Variants in KCNJ6 observed in about 807,000 individuals in gnomAD.
KCNJ6 encodes potassium inwardly rectifying channel subfamily J member 6.
Under a neutral mutation model 34.2 loss-of-function variants are expected in KCNJ6, and 9 were observed. The ratio of observed to expected loss-of-function variants is 0.26; its 90% CI spans 0.16 to 0.46. KCNJ6 has a LOEUF of 0.46. Ranked by LOEUF, KCNJ6 falls within the 20% of genes least tolerant of loss-of-function variation. The pLI is 1.00. For synonymous variants in KCNJ6, 196 were observed against 207.1 expected (o/e 0.95, Z 0.46); for missense variants, 236 against 531.3 (o/e 0.44, Z 5.46).
intron 3 of KCNJ6, among the ~76,000 whole-genome samples, chr21:37,661,940 T>C (rs1228386466): frequency 6.6e-6 from 1 of 152,090 alleles, no homozygotes; most frequent in East Asian, 1.9e-4. Flanking sequence ...AGAGACATAA[T>C]TCTAATAAAA....
intron 2 of KCNJ6, among the ~76,000 whole-genome samples, chr21:37,724,321 A>G (rs79296872): frequency 8.2e-6 from 1 of 122,642 alleles, no homozygotes; most frequent in Non-Finnish European, 1.6e-5. Context: ...GTTGCATATT[A>G]AAAAAAAAAA....
chr21:37,806,917 C>T (rs1272333107), intron 2 of KCNJ6, among the ~76,000 whole-genome samples: 1 of 152,082 alleles, frequency 6.6e-6, no homozygotes, highest in Non-Finnish European at 1.5e-5. Context: ...TCTGTAAAGG[C>T]ATATAACATT....
intron 1 of KCNJ6, among the ~76,000 whole-genome samples, chr21:37,879,690 AACTC>A (rs1721415863): frequency 1.3e-5 from 2 of 150,564 alleles, no homozygotes; most frequent in South Asian, 4.2e-4. Context: ...TATCAGGAAA[AACTC>A]AATGTCTGCC....
In KCNJ6 at chr21:37,616,755, A is replaced by G. The variant is rs1233139485; in HGVS notation, c.*8404T>C. On this transcript the variant is annotated 3_prime_UTR_variant, in exon 4 of 4. Coordinates refer to ENST00000609713, the MANE Select transcript of KCNJ6 (RefSeq NM_002240.5). The stretch of plus-strand genomic sequence containing the variant: ...TTAACCTTCCAACGGGGGTGCCAGG[A>G]AAAGTGAAGTTTTCGTGGTGAGATG... 3 of 151,236 alleles carry G rather than the reference A, an allele frequency of 2.0e-5. No individual in the cohort carries two copies. The highest frequency in any genetic ancestry group is 7.3e-5 in the African/African-American group (3 of 40,998). The allele number at this position is 151,236 out of a possible 1,614,324, so 9.4% of individuals were successfully genotyped here.
intron 2 of KCNJ6, among the ~76,000 whole-genome samples, chr21:37,742,894 CT>C (rs971972585): frequency 6.6e-6 from 1 of 152,202 alleles, no homozygotes; most frequent in African/African-American, 2.4e-5. Flanking sequence ...CTTCTCTGCA[CT>C]TGGGGGAACT....
chr21:37,722,123 C>CA (rs34419315), intron 2 of KCNJ6, among the ~76,000 whole-genome samples: 82,350 of 151,920 alleles, frequency 0.54, 22,819 homozygotes, highest in African/African-American at 0.65. Context: ...AATCAATGTA[C>CA]AAAAATCAGT....
intron 2 of KCNJ6, among the ~76,000 whole-genome samples, chr21:37,772,287 T>A (rs2055121247): frequency 6.6e-6 from 1 of 152,190 alleles, no homozygotes; most frequent in African/African-American, 2.4e-5. Context: ...GTTGCACATA[T>A]TATTATGTTT....
intron 2 of KCNJ6, among the ~76,000 whole-genome samples, chr21:37,807,197 G>A (rs1873451095): frequency 6.6e-6 from 1 of 152,204 alleles, no homozygotes; most frequent in African/African-American, 2.4e-5. Context: ...AACATTGAGT[G>A]TAGTTAGCTA....
chr21:37,706,328 C>A (rs928350614), intron 3 of KCNJ6, among the ~76,000 whole-genome samples: 2 of 152,200 alleles, frequency 1.3e-5, no homozygotes, highest in Admixed American at 1.3e-4. Flanking sequence ...ATGAGGCGAT[C>A]TGTGGTAAAC....
intron 2 of KCNJ6, among the ~76,000 whole-genome samples, chr21:37,722,419 TCACAGATTTATAAAAA>T (rs1303484493): frequency 6.6e-6 from 1 of 152,246 alleles, no homozygotes; most frequent in Non-Finnish European, 1.5e-5. Context: ...ATGTCATTTT[TCACAGATTTATAAAAA>T]CTGTTCTAAA....
At chr21:37,880,600 A>T (rs1257237938) in intron 1 of KCNJ6, among the ~76,000 whole-genome samples, 1 of 152,222 alleles carries the variant, frequency 6.6e-6, no homozygotes, top group Non-Finnish European at 1.5e-5. Flanking sequence ...TGCACAGTCA[A>T]GCAAGGGTTA....
chr21:37,826,741 C>T (rs1362217616), intron 2 of KCNJ6, among the ~76,000 whole-genome samples: 1 of 152,038 alleles, frequency 6.6e-6, no homozygotes, highest in Non-Finnish European at 1.5e-5. Context: ...GTAACATTTC[C>T]AAATCTGACA....
chr21:37,713,412 G>C (rs28557769), intron 3 of KCNJ6, among the ~76,000 whole-genome samples: 1 of 152,182 alleles, frequency 6.6e-6, no homozygotes, highest in Non-Finnish European at 1.5e-5. Flanking sequence ...TTGAGTCCTA[G>C]CTGATGGCTC....
chr21:37,752,464 C>G (rs191574710), intron 2 of KCNJ6, among the ~76,000 whole-genome samples: 1 of 152,050 alleles, frequency 6.6e-6, no homozygotes, highest in African/African-American at 2.4e-5. Context: ...AATAGAGAAG[C>G]CAACAGCAGC....
At chr21:37,840,210 T>G (rs1457967318) in intron 2 of KCNJ6, among the ~76,000 whole-genome samples, 1 of 152,244 alleles carries the variant, frequency 6.6e-6, no homozygotes, top group Admixed American at 6.5e-5. Flanking sequence ...AAGCACTCCA[T>G]TTTTTAATAG....
At chr21:37,713,782 G>C (rs1460942345) in intron 3 of KCNJ6, among the ~76,000 whole-genome samples, 2 of 152,148 alleles carry the variant, frequency 1.3e-5, no homozygotes, top group African/African-American at 4.8e-5. Context: ...CAAAGAATGG[G>C]TGAAATTGCA....
chr21:37,642,775 G>A (rs1300174861), intron 3 of KCNJ6, among the ~76,000 whole-genome samples: 1 of 152,038 alleles, frequency 6.6e-6, no homozygotes, highest in African/African-American at 2.4e-5. Flanking sequence ...TGGAGAGATG[G>A]GTGAGGCTGG....
intron 3 of KCNJ6, among the ~76,000 whole-genome samples, chr21:37,669,361 A>C (rs1471868940): frequency 6.6e-6 from 1 of 152,150 alleles, no homozygotes; most frequent in Non-Finnish European, 1.5e-5. Flanking sequence ...ACTTCTTGAG[A>C]CTGTGCTTTG....
chr21:37,861,526 T>C (rs536212831), intron 1 of KCNJ6, among the ~76,000 whole-genome samples: 2 of 152,188 alleles, frequency 1.3e-5, no homozygotes, highest in Non-Finnish European at 2.9e-5. Flanking sequence ...GACTTCAACA[T>C]ACAAATTTTG....
Sources: gnomAD v4.1 joint callset for allele counts (sites outside exome capture counted in the v4.1 genomes callset) on GRCh38, gnomAD v4.1.1 for gene constraint, MANE v1.5 for transcripts, NCBI Gene and HGNC (gene_info 2026-07-23, HGNC 2026-07-21) for gene names.